The following SPPL3 variants were observed in gnomAD, a reference collection of about 807,000 sequenced individuals.
SPPL3 encodes signal peptide peptidase like 3.
Under a neutral mutation model 42.4 loss-of-function variants are expected in SPPL3, and 5 were observed. The observed-to-expected ratio is 0.12, with a 90% confidence interval of 0.06 to 0.25. SPPL3 has a LOEUF of 0.25. Ranked by LOEUF, SPPL3 falls within the 10% of genes least tolerant of loss-of-function variation. SPPL3 has a pLI of 1.00. For missense variants in SPPL3, 235 were observed against 489.0 expected, an observed-to-expected ratio of 0.48 and a Z score of 4.90; for synonymous variants, 195 against 181.8, an observed-to-expected ratio of 1.07 and a Z score of -0.58.
In SPPL3 at chr12:120,762,913, C is replaced by T. The variant is rs947569649; in HGVS notation, c.*2086G>A. The T allele has an allele frequency of 3.3e-5, 5 of 152,280 alleles. No homozygotes were observed. The highest frequency in any genetic ancestry group is 1.2e-4 in the African/African-American group (5 of 41,470). 9.4% of individuals were successfully genotyped at this position (152,280 alleles called of 1,614,324 possible). A position where few individuals can be genotyped will look rare whatever the true frequency, so the allele number is the denominator to read the frequency against. ...TTTCTACCCATCACTGGCACTTGCC[C>T]TTAATCCGAGTCATTTTGGAGCCCC... is the stretch of plus-strand genomic sequence containing the variant. On this transcript the variant is annotated 3_prime_UTR_variant, in exon 11 of 11. Transcript: ENST00000353487.
chr12:120,903,642 C>T (rs1181174861), intron 1 of SPPL3: 1 of 483,892 alleles, frequency 2.1e-6, no homozygotes. Context: ...TTCCCCTTCT[C>T]GGACGCCAGG....
intron 10 of SPPL3, 123 bp from the exon 11 acceptor site, chr12:120,765,193 G>A (rs934706099): frequency 1.3e-6 from 1 of 795,044 alleles, no homozygotes; most frequent in Non-Finnish European, 1.9e-6. Context: ...TGGCCAGGCT[G>A]GTCTCAAACT....
Position 120,852,904 on chromosome 12 carries a change from TA to T in SPPL3, c.24-42019del, listed in dbSNP as rs200444176. On this transcript the variant is annotated intron_variant, in intron 1 of 10. Coordinates refer to ENST00000353487, the MANE Select transcript of SPPL3 (RefSeq NM_139015.5). Reference sequence around the variant, plus strand: ...CATATATATTTCATATATATATATATATTTTTTAAGATGGATTTTCACTCTT... The same window carrying T: ...CATATATATTTCATATATATATATATTTTTTTAAGATGGATTTTCACTCTT... 9.9e-3 allele frequency among the ~76,000 whole-genome samples: 383 copies of T among 38,620 alleles called. 45 individuals are homozygous for T. Among genetic ancestry groups the T allele is most frequent in the South Asian group, 0.026 (25 of 960 alleles). The allele number at this position is 38,620 out of a possible 152,430, so 25.3% of individuals were successfully genotyped here.
intron 1 of SPPL3, among the ~76,000 whole-genome samples, chr12:120,880,882 CA>C (rs58936035): frequency 7.8e-4 from 109 of 139,912 alleles, no homozygotes; most frequent in Admixed American, 8.5e-4. Context: ...TCAACCCAGC[CA>C]AAAAAAAAAA....
At chr12:120,853,993 C>CACAT (rs1872358644) in intron 1 of SPPL3, among the ~76,000 whole-genome samples, 1 of 134,756 alleles carries the variant, frequency 7.4e-6, no homozygotes, top group Non-Finnish European at 1.6e-5. Flanking sequence ...TACACACACA[C>CACAT]ACACACACAC....
intron 1 of SPPL3, among the ~76,000 whole-genome samples, chr12:120,871,350 G>C (rs1357918558): frequency 1.3e-5 from 2 of 152,120 alleles, no homozygotes; most frequent in Non-Finnish European, 2.9e-5. Context: ...GTTGACAAAT[G>C]AAAGTGATAA....
At chr12:120,815,090 A>C (rs931493874) in intron 1 of SPPL3, among the ~76,000 whole-genome samples, 41 of 152,196 alleles carry the variant, frequency 2.7e-4, no homozygotes, top group Non-Finnish European at 4.6e-4. Flanking sequence ...GGGCCTTGTA[A>C]ATTATACCTG....
At chr12:120,766,098 G>GCACACACACACACACA (rs750703823) in intron 10 of SPPL3, among the ~76,000 whole-genome samples, 165 bp downstream of exon 10, 1 of 144,044 alleles carries the variant, frequency 6.9e-6, no homozygotes, top group East Asian at 2.1e-4. Flanking sequence ...TAGCGCGCGC[G>GCACACACACACACACA]CGCACACACA....
At chr12:120,858,740 C>T (rs1872541383) in intron 1 of SPPL3, among the ~76,000 whole-genome samples, 1 of 151,848 alleles carries the variant, frequency 6.6e-6, no homozygotes, top group Admixed American at 6.5e-5. Context: ...TAGGAGTCCC[C>T]AAAGAAGAAA....
chr12:120,771,320 C>A (rs911727233), intron 6 of SPPL3, among the ~76,000 whole-genome samples: 3 of 152,328 alleles, frequency 2.0e-5, no homozygotes, highest in South Asian at 2.1e-4. Context: ...CCTCACTCTA[C>A]CCCCCATGCC....
chr12:120,780,083 A>G (rs1869472545), intron 6 of SPPL3, among the ~76,000 whole-genome samples: 1 of 151,130 alleles, frequency 6.6e-6, no homozygotes, highest in East Asian at 2.0e-4. Flanking sequence ...CTCGTGGCTC[A>G]GTACATGCTT....
chr12:120,843,654 C>G (rs1443079887), intron 1 of SPPL3, among the ~76,000 whole-genome samples: 2 of 152,154 alleles, frequency 1.3e-5, no homozygotes, highest in Admixed American at 6.5e-5. Context: ...CCAATGGTTT[C>G]AAAACATTTG....
At chr12:120,845,653 C>A (rs946644570) in intron 1 of SPPL3, 2 of 387,978 alleles carry the variant, frequency 5.2e-6, no homozygotes, top group South Asian at 2.9e-5. Context: ...ATGTTATGTT[C>A]CCCATGCTTG....
chr12:120,852,385 A>G (rs1872260774), intron 1 of SPPL3, among the ~76,000 whole-genome samples: 1 of 57,212 alleles, frequency 1.7e-5, no homozygotes. Flanking sequence ...TATAATATAC[A>G]TATTTTACAT....
chr12:120,781,014 T>G (rs1869516274), intron 6 of SPPL3, among the ~76,000 whole-genome samples: 1 of 152,198 alleles, frequency 6.6e-6, no homozygotes, highest in Non-Finnish European at 1.5e-5. Context: ...ATAAGGGGTC[T>G]GTGGCTGGGA....
rs33918080 is a variant in SPPL3, at chr12:120,884,101, C to CA, written c.23+19743dup. On this transcript the variant is annotated intron_variant, in intron 1 of 10. Transcript: ENST00000353487. ...GGGCAACAACAGCGAAACTATGTCT[C>CA]AAAAAAAAAAAAAAAAAAATGCAGA... Among the ~76,000 whole-genome samples the CA allele has an allele frequency of 4.0e-3, 498 of 124,060 alleles. 5 individuals carry two copies. Among genetic ancestry groups the CA allele is most frequent in the African/African-American group, 0.014 (463 of 33,510 alleles). 81.4% of individuals were successfully genotyped at this position (124,060 alleles called of 152,430 possible). A position where few individuals can be genotyped will look rare whatever the true frequency, so the allele number is the denominator to read the frequency against.
At chr12:120,781,562 T>C (rs981326782) in intron 6 of SPPL3, among the ~76,000 whole-genome samples, 1 of 70,820 alleles carries the variant, frequency 1.4e-5, no homozygotes, top group African/African-American at 6.0e-5. Flanking sequence ...TACGTTTTTT[T>C]TTTTTTTTTT....
intron 1 of SPPL3, among the ~76,000 whole-genome samples, chr12:120,898,857 A>G (rs907625910): frequency 4.6e-5 from 7 of 152,228 alleles, no homozygotes; most frequent in African/African-American, 1.2e-4. Context: ...TTATTATGAT[A>G]GTATTTTGGT....
At chr12:120,791,200 G>A (rs1051098915) in intron 3 of SPPL3, among the ~76,000 whole-genome samples, 2 of 152,148 alleles carry the variant, frequency 1.3e-5, no homozygotes, top group Non-Finnish European at 2.9e-5. Flanking sequence ...ACAGAATGTT[G>A]AGTACATGGC....
Sources: allele counts gnomAD v4.1 joint callset (sites outside exome capture counted in the v4.1 genomes callset), GRCh38; gene constraint gnomAD v4.1.1; transcripts MANE v1.5; gene names NCBI Gene and HGNC (gene_info 2026-07-23, HGNC 2026-07-21).